EPHB2: variants seen among roughly 807,000 people sequenced by gnomAD.
EPHB2 encodes the protein ephrin type-B receptor 2.
Under a neutral mutation model 96.4 loss-of-function variants are expected in EPHB2, and 18 were observed. That is an observed-to-expected ratio of 0.19 (90% CI 0.13 to 0.28). The LOEUF (loss-of-function observed/expected upper bound fraction) is 0.28, where lower values mean the gene tolerates loss of function less well. Among genes scored for constraint, EPHB2 ranks in the 10% least tolerant of loss-of-function variants. EPHB2 has a pLI of 1.00. For synonymous variants in EPHB2, 506 were observed against 534.1 expected (o/e 0.95, Z 0.72); for missense variants, 989 against 1,355.4 (o/e 0.73, Z 4.25).
intron 13 of EPHB2, 63 bp downstream of exon 13, chr1:22,909,234 G>A (rs973565600): frequency 8.2e-5 from 133 of 1,612,356 alleles, no homozygotes; most frequent in African/African-American, 2.7e-5. Flanking sequence ...GGAAGATCGG[G>A]GCTCCTGGCC....
chr1:22,853,962 G>C (rs17436065), intron 3 of EPHB2, among the ~76,000 whole-genome samples: 6,007 of 152,354 alleles, frequency 0.039, 192 homozygotes, highest in Non-Finnish European at 0.064. Context: ...TGTCCTGTCA[G>C]CTGCTGGCTG....
chr1:22,912,692 A>G, intron 15 of EPHB2, 93 bp downstream of exon 15: 2 of 1,579,946 alleles, frequency 1.3e-6, no homozygotes, highest in East Asian at 4.5e-5. Context: ...TGAGGAATAG[A>G]TCATGTCCCA....
chr1:22,832,283 T>C (rs1645315680), intron 3 of EPHB2, among the ~76,000 whole-genome samples: 1 of 152,124 alleles, frequency 6.6e-6, no homozygotes, highest in African/African-American at 2.4e-5. Context: ...TCCTCAATAG[T>C]AAGGGCAAAC....
At chr1:22,850,497 GCGGGAGGGGCCTGGGCCTGGCCCTGC>G (rs1645610373) in intron 3 of EPHB2, among the ~76,000 whole-genome samples, 2 of 152,200 alleles carry the variant, frequency 1.3e-5, no homozygotes, top group Non-Finnish European at 2.9e-5. Flanking sequence ...AGCCAGATGT[GCGGGAGGGGCCTGGGCCTGGCCCTGC>G]CAGATGTGTC....
intron 5 of EPHB2, among the ~76,000 whole-genome samples, chr1:22,869,384 A>G (rs1367457335): frequency 2.0e-5 from 3 of 151,946 alleles, no homozygotes; most frequent in Non-Finnish European, 2.9e-5. Context: ...AAAATAAAAC[A>G]CAGACACAGA....
chr1:22,841,566 C>T (rs10917318), intron 3 of EPHB2, among the ~76,000 whole-genome samples: 28,207 of 152,162 alleles, frequency 0.19, 2,984 homozygotes, highest in South Asian at 0.38. Flanking sequence ...TGGCATCTCC[C>T]TCGAGGCTGT....
intron 3 of EPHB2, among the ~76,000 whole-genome samples, chr1:22,855,781 ATAT>A (rs1645689238): frequency 6.6e-6 from 1 of 152,270 alleles, no homozygotes; most frequent in South Asian, 2.1e-4. Context: ...AATATAATCA[ATAT>A]TATTATTCCC....
chr1:22,796,688 G>A (rs974615550), intron 3 of EPHB2, among the ~76,000 whole-genome samples: 3 of 152,210 alleles, frequency 2.0e-5, no homozygotes, highest in Non-Finnish European at 4.4e-5. Context: ...AGGGTCTGAC[G>A]CCTGACTCTG....
chr1:22,808,543 G>A (rs1002331572), intron 3 of EPHB2, among the ~76,000 whole-genome samples: 2 of 152,216 alleles, frequency 1.3e-5, no homozygotes, highest in Admixed American at 6.5e-5. Flanking sequence ...TGAAACTGAC[G>A]TGTCACCGCA....
rs761593747 is a variant in EPHB2 at position 22,863,026 on chromosome 1, TTC to T, written c.812-4_812-3del. 108 of 1,614,060 alleles carry T rather than the reference TTC, an allele frequency of 6.7e-5. No individual in the cohort carries two copies. Among genetic ancestry groups the T allele is most frequent in the Non-Finnish European group, 8.6e-5 (101 of 1,180,040 alleles). Reference sequence around the variant, plus strand: ...CAGTTTCCTGGTGACTCTCCTTGTCTTCTCTCTCAGGTTGTCCATCTGGGACT... The same window carrying T: ...CAGTTTCCTGGTGACTCTCCTTGTCTTCTCTCAGGTTGTCCATCTGGGACT... On this transcript the variant is annotated splice_polypyrimidine_tract_variant and intron_variant, in intron 3 of 15. Coordinates refer to ENST00000374630, the MANE Select transcript of EPHB2 (RefSeq NM_017449.5).
At position 22,906,869 on chromosome 1, in the gene EPHB2, T is replaced by A. The variant is rs959654720; in HGVS notation, c.2048T>A (p.Ile683Asn). ...IMGQFDHPNV[I>N]HLEGVVTKST... ...GGCCAGTTCGACCATCCCAACGTCA[T>A]CCACCTGGAGGGTGTCGTGACCAAG... Residue 683 changes from isoleucine to asparagine, a missense_variant, in exon 11 of 16, where the codon ATC (isoleucine) becomes AAC (asparagine). Ile to Asn is a moderately radical substitution (Grantham distance 149). Transcript: ENST00000374630. This position sits in a 1 kb window ranked among gnomAD's most constrained non-coding sequence, Gnocchi z 4.8. The A allele has an allele frequency of 6.2e-7, 1 of 1,614,062 alleles. No individual in the cohort carries two copies. Among genetic ancestry groups the A allele is most frequent in the African/African-American group, 1.3e-5 (1 of 74,926 alleles).
intron 1 of EPHB2, among the ~76,000 whole-genome samples, chr1:22,716,626 A>G (rs1643302313): frequency 6.6e-6 from 1 of 152,174 alleles, no homozygotes; most frequent in South Asian, 2.1e-4. Context: ...GGCCTGAGCC[A>G]CTGTGCCCTG....
At chr1:22,731,891 A>C (rs551348369) in intron 1 of EPHB2, among the ~76,000 whole-genome samples, 68 of 152,302 alleles carry the variant, frequency 4.5e-4, no homozygotes, top group African/African-American at 1.5e-3. Flanking sequence ...AAGCCAGGGC[A>C]CAGAAGCCAG....
At chr1:22,775,446 G>A (rs1159971946) in intron 1 of EPHB2, among the ~76,000 whole-genome samples, 1 of 152,260 alleles carries the variant, frequency 6.6e-6, no homozygotes, top group Non-Finnish European at 1.5e-5. Flanking sequence ...AGCATCTGTG[G>A]TCCTAGAGAA....
At chr1:22,889,005 A>T (rs540222399) in intron 6 of EPHB2, among the ~76,000 whole-genome samples, 36 of 152,144 alleles carry the variant, frequency 2.4e-4, no homozygotes, top group African/African-American at 6.7e-4. Context: ...AAATACAAAA[A>T]TTAGCCGGGT....
intron 1 of EPHB2, among the ~76,000 whole-genome samples, chr1:22,740,937 G>A (rs1643894171): frequency 6.6e-6 from 1 of 152,136 alleles, no homozygotes; most frequent in African/African-American, 2.4e-5. Context: ...TGAAGTTCTT[G>A]GTGTCCAGTG....
At chr1:22,797,178 C>T (rs1157483562) in intron 3 of EPHB2, among the ~76,000 whole-genome samples, 1 of 152,178 alleles carries the variant, frequency 6.6e-6, no homozygotes, top group Non-Finnish European at 1.5e-5. Flanking sequence ...TGGTTTGATT[C>T]TGAAGCCCCC....
chr1:22,917,769 C>T lies in EPHB2; in HGVS notation c.*4199C>T, dbSNP rs914516236. ...GATTTTTCTGTTTCCAATGTCTCCT[C>T]TACCGTGCTCAATTAGATGATGAGA... On this transcript the variant is annotated 3_prime_UTR_variant, in exon 16 of 16. Transcript: ENST00000374630. 1.3e-5 allele frequency: 2 copies of T among 152,252 alleles called. No homozygotes were observed. Among genetic ancestry groups the T allele is most frequent in the African/African-American group, 2.4e-5 (1 of 41,440 alleles). The allele number at this position is 152,252 out of a possible 1,614,324, so 9.4% of individuals were successfully genotyped here. A position where few individuals can be genotyped will look rare whatever the true frequency, so the allele number is the denominator to read the frequency against.
chr1:22,742,008 A>T (rs72653643), intron 1 of EPHB2, among the ~76,000 whole-genome samples: 5,204 of 141,408 alleles, frequency 0.037, 150 homozygotes, highest in South Asian at 0.056. Context: ...TTACTCATGA[A>T]CTCACCCTGC....
Sources: gnomAD v4.1 joint callset for allele counts (sites outside exome capture counted in the v4.1 genomes callset) on GRCh38, gnomAD v4.1.1 for gene constraint, Gnocchi (gnomAD v3.1) non-coding constraint, MANE v1.5 for transcripts, NCBI Gene and HGNC (gene_info 2026-07-23, HGNC 2026-07-21) for gene names.